Variants in SH3RF3 observed in about 807,000 individuals in gnomAD.
SH3RF3 encodes the protein E3 ubiquitin-protein ligase SH3RF3.
SH3RF3 carries 29 observed loss-of-function variants against 66.3 expected under a neutral mutation model. That is an observed-to-expected ratio of 0.44 (90% CI 0.33 to 0.60). The LOEUF (loss-of-function observed/expected upper bound fraction) is 0.60. Among genes scored for constraint, SH3RF3 ranks in the 20% least tolerant of loss-of-function variants. The pLI is 0.04. For synonymous variants in SH3RF3, 583 were observed against 532.0 expected (o/e 1.10, Z -1.32); for missense variants, 1,194 against 1,190.9 (o/e 1.00, Z -0.04).
chr2:109,458,810 A>G (rs964435689), intron 8 of SH3RF3, among the ~76,000 whole-genome samples: 1 of 152,190 alleles, frequency 6.6e-6, no homozygotes, highest in Admixed American at 6.5e-5. Flanking sequence ...ACTTTCAGTA[A>G]TCTCTTTTAC....
intron 1 of SH3RF3, among the ~76,000 whole-genome samples, chr2:109,316,384 C>T (rs72939561): frequency 0.31 from 47,317 of 151,894 alleles, 9,125 homozygotes; most frequent in African/African-American, 0.55. Flanking sequence ...AGCCCTGGTG[C>T]CATGTTTCTC....
chr2:109,235,331 A>T (rs1178301492), intron 1 of SH3RF3, among the ~76,000 whole-genome samples: 5 of 151,924 alleles, frequency 3.3e-5, no homozygotes, highest in Non-Finnish European at 5.9e-5. Flanking sequence ...CTCTTCATCC[A>T]CCCTAGGGAT....
intron 7 of SH3RF3, among the ~76,000 whole-genome samples, chr2:109,439,743 G>T (rs887248989): frequency 6.6e-6 from 1 of 152,042 alleles, no homozygotes; most frequent in Non-Finnish European, 1.5e-5. Flanking sequence ...AAAAAGCACC[G>T]AGAAGGAGCT....
intron 1 of SH3RF3, among the ~76,000 whole-genome samples, chr2:109,257,797 A>C (rs779729177): frequency 5.9e-5 from 9 of 152,208 alleles, no homozygotes; most frequent in Admixed American, 1.3e-4. Context: ...TTTTACGGAC[A>C]GGAGACAGCC....
chr2:109,161,291 T>A (rs1371192672), intron 1 of SH3RF3, among the ~76,000 whole-genome samples: 1 of 152,022 alleles, frequency 6.6e-6, no homozygotes, highest in Non-Finnish European at 1.5e-5. Flanking sequence ...GCTACAGAGT[T>A]AGGAGTGTGT....
chr2:109,158,467 C>G (rs142374615), intron 1 of SH3RF3, among the ~76,000 whole-genome samples: 6 of 152,138 alleles, frequency 3.9e-5, no homozygotes, highest in African/African-American at 1.4e-4. Flanking sequence ...AGGTTCAGTC[C>G]CCCAAGGCTC....
rs116710892 is a variant in SH3RF3 at position 109,445,262 on chromosome 2, G to T, written c.1829-3908G>T. Among the ~76,000 whole-genome samples, 364 of 152,326 alleles carry T rather than the reference G, an allele frequency of 2.4e-3. 1 individual carries two copies. The highest frequency in any genetic ancestry group is 8.2e-3 in the African/African-American group (340 of 41,574). ...AATAGAAGAGATGGGACAGAGAGAA[G>T]ATTCAAAGGAGTAGTCCCTGAGAAT... is the stretch of plus-strand genomic sequence containing the variant. On this transcript the variant is annotated intron_variant, in intron 7 of 9. Transcript: ENST00000309415.
chr2:109,398,872 A>AGCTCC lies in SH3RF3; in HGVS notation c.1229_1233dup (p.Ser412AlafsTer98). Reference sequence around the variant, plus strand: ...GGAAATTAGTGCTCCAGTGTTGATCAGCTCCAGCGATCCCCGAGCCGCGGC... The same window carrying AGCTCC: ...GGAAATTAGTGCTCCAGTGTTGATCAGCTCCGCTCCAGCGATCCCCGAGCCGCGGC... On this transcript the variant is annotated frameshift_variant, in exon 4 of 10. Transcript: ENST00000309415. LOFTEE classifies it high-confidence loss of function. The AGCTCC allele has an allele frequency of 1.2e-6, 2 of 1,613,830 alleles. No individual in the cohort carries two copies. The highest frequency in any genetic ancestry group is 1.7e-6 in the Non-Finnish European group (2 of 1,179,862).
intron 1 of SH3RF3, among the ~76,000 whole-genome samples, chr2:109,212,254 A>T (rs1358945341): frequency 6.6e-6 from 1 of 152,102 alleles, no homozygotes; most frequent in African/African-American, 2.4e-5. Context: ...CTCCAACTCC[A>T]TGAAATGAGG....
chr2:109,394,814 C>T (rs1199980437), intron 3 of SH3RF3, among the ~76,000 whole-genome samples: 1 of 152,224 alleles, frequency 6.6e-6, no homozygotes, highest in Non-Finnish European at 1.5e-5. Context: ...GGCAGAGCCA[C>T]CTGGCTTCCC....
At chr2:109,214,569 AG>A (rs146629277) in intron 1 of SH3RF3, among the ~76,000 whole-genome samples, 1,917 of 152,264 alleles carry the variant, frequency 0.013, 50 homozygotes, top group African/African-American at 0.044. Context: ...ATGAAACAAA[AG>A]GGGGATGATT....
intron 1 of SH3RF3, among the ~76,000 whole-genome samples, chr2:109,291,430 C>T (rs2105367800): frequency 1.3e-5 from 2 of 152,316 alleles, no homozygotes; most frequent in South Asian, 4.1e-4. Flanking sequence ...GCAATCTCGC[C>T]TGGCTGCCGT....
At chr2:109,430,022 C>T (rs189375144) in intron 5 of SH3RF3, among the ~76,000 whole-genome samples, 1 of 152,214 alleles carries the variant, frequency 6.6e-6, no homozygotes, top group Non-Finnish European at 1.5e-5. Context: ...ACCTTGCCTA[C>T]CAGCCCAGGA....
intron 1 of SH3RF3, among the ~76,000 whole-genome samples, chr2:109,313,312 G>C (rs959472599): frequency 2.0e-5 from 3 of 152,350 alleles, no homozygotes; most frequent in Non-Finnish European, 2.9e-5. Context: ...CAAGGGGGGA[G>C]GCTGGCATCT....
intron 1 of SH3RF3, among the ~76,000 whole-genome samples, chr2:109,217,600 A>ATAAACAGAATCAGTC (rs1679129600): frequency 6.6e-6 from 1 of 152,252 alleles, no homozygotes; most frequent in Non-Finnish European, 1.5e-5. Context: ...TGCATGTGTT[A>ATAAACAGAATCAGTC]TAAACAGAAT....
At chr2:109,284,006 TG>T (rs1376051481) in intron 1 of SH3RF3, among the ~76,000 whole-genome samples, 1 of 152,166 alleles carries the variant, frequency 6.6e-6, no homozygotes, top group African/African-American at 2.4e-5. Flanking sequence ...GAGCTTGCCC[TG>T]GGTAGGAAAG....
At chr2:109,259,788 A>G (rs1558987335) in intron 1 of SH3RF3, among the ~76,000 whole-genome samples, 1 of 152,118 alleles carries the variant, frequency 6.6e-6, no homozygotes, top group Non-Finnish European at 1.5e-5. Flanking sequence ...TATTCAGACA[A>G]GTTTCCTTGA....
At chr2:109,267,111 C>T (rs572269682) in intron 1 of SH3RF3, among the ~76,000 whole-genome samples, 8 of 152,248 alleles carry the variant, frequency 5.3e-5, no homozygotes, top group East Asian at 1.9e-4. Flanking sequence ...TGATGGGTAT[C>T]GCTCAGTAAT....
At chr2:109,309,596 T>C (rs1681679844) in intron 1 of SH3RF3, among the ~76,000 whole-genome samples, 3 of 129,178 alleles carry the variant, frequency 2.3e-5, no homozygotes, top group Non-Finnish European at 4.7e-5. Context: ...TGTGCTGTAT[T>C]CAGGAAACCC....
Sources: gnomAD v4.1 joint callset for allele counts (sites outside exome capture counted in the v4.1 genomes callset) on GRCh38, gnomAD v4.1.1 for gene constraint, MANE v1.5 for transcripts, NCBI Gene and HGNC (gene_info 2026-07-23, HGNC 2026-07-21) for gene names.